PRORP: variants seen among roughly 807,000 people sequenced by gnomAD.
PRORP encodes the protein protein only RNase P catalytic subunit, also known as mitochondrial ribonuclease P catalytic subunit.
PRORP carries 51 observed loss-of-function variants against 59.4 expected under a neutral mutation model. The ratio of observed to expected loss-of-function variants is 0.86; its 90% CI spans 0.69 to 1.08. The LOEUF (loss-of-function observed/expected upper bound fraction) is 1.08, where lower values mean the gene tolerates loss of function less well. PRORP is among the 50% of genes least tolerant of loss of function. PRORP has a pLI of 0.00. For missense variants in PRORP, 646 were observed against 690.3 expected (o/e 0.94, Z 0.72); for synonymous variants, 231 against 245.6 (o/e 0.94, Z 0.55).
chr14:35,130,039 T>TG (rs1555319231), intron 4 of PRORP, among the ~76,000 whole-genome samples: 8 of 149,464 alleles, frequency 5.4e-5, no homozygotes, highest in African/African-American at 1.5e-4. Flanking sequence ...TCTTTTTTTT[T>TG]TTTTTTTTTG....
At chr14:35,267,253 C>T (rs2051064888) in intron 6 of PRORP, among the ~76,000 whole-genome samples, 1 of 152,088 alleles carries the variant, frequency 6.6e-6, no homozygotes, top group South Asian at 2.1e-4. Flanking sequence ...AGACAAAGTC[C>T]CTGCCCTCTT....
intron 4 of PRORP, among the ~76,000 whole-genome samples, chr14:35,152,129 T>C (rs1024106337): frequency 4.6e-5 from 7 of 152,202 alleles, no homozygotes; most frequent in African/African-American, 9.6e-5. Context: ...GGAGTGGTGA[T>C]GACTCTCAAC....
chr14:35,235,129 ATTATT>A, intron 5 of PRORP: 2 of 501,246 alleles, frequency 4.0e-6, no homozygotes, highest in Non-Finnish European at 7.5e-6. Context: ...GAAAATTTGT[ATTATT>A]TTAATTATTT....
chr14:35,123,742 CA>C lies in PRORP; in HGVS notation c.498del (p.Ala167ProfsTer7). The C allele has an allele frequency of 6.2e-7, 1 of 1,614,212 alleles. No homozygotes were observed. ...GCTAAATCTCTGCTGGCATGGGTAG[CA>C]GCCAAAAATAATGGTATTGTAAGTT... Reference protein sequence around the residue: ...DVAKSLLAWVAAKNNGIVSYD... With the variant: ...DVAKSLLAWVXAKNNGIVSYD... On this transcript the variant is annotated frameshift_variant, in exon 2 of 8. Transcript: ENST00000534898. LOFTEE classifies it high-confidence loss of function.
chr14:35,250,226 G>C (rs753123056), intron 5 of PRORP, among the ~76,000 whole-genome samples: 2 of 150,776 alleles, frequency 1.3e-5, no homozygotes, highest in African/African-American at 2.4e-5. Context: ...AGCGAGACTC[G>C]GTCTCAAAAA....
chr14:35,276,965 C>G lies in PRORP; in HGVS notation c.*3399C>G, dbSNP rs933020937. On this transcript the variant is annotated 3_prime_UTR_variant, in exon 8 of 8. Transcript: ENST00000534898. The stretch of plus-strand genomic sequence containing the variant: ...TTCATAGGAAATTAATTTTTCTTCT[C>G]AAGTATGCACTTAAATATAATTACT... 2 of 152,084 alleles carry G rather than the reference C, an allele frequency of 1.3e-5. No individual in the cohort carries two copies. The highest frequency in any genetic ancestry group is 4.8e-5 in the African/African-American group (2 of 41,426). The allele number at this position is 152,084 out of a possible 1,614,324, so 9.4% of individuals were successfully genotyped here.
chr14:35,187,432 T>TTC, intron 5 of PRORP, among the ~76,000 whole-genome samples: 1 of 150,826 alleles, frequency 6.6e-6, no homozygotes, highest in African/African-American at 2.4e-5. Flanking sequence ...TTCTTTGTTT[T>TTC]TTTTTTTTTT....
At chr14:35,228,466 C>T (rs895637041) in intron 5 of PRORP, among the ~76,000 whole-genome samples, 1 of 152,198 alleles carries the variant, frequency 6.6e-6, no homozygotes, top group African/African-American at 2.4e-5. Context: ...CCCTCCATCT[C>T]CCCGCTAGTA....
intron 4 of PRORP, among the ~76,000 whole-genome samples, chr14:35,146,372 A>C (rs1052407696): frequency 6.6e-6 from 1 of 152,214 alleles, no homozygotes; most frequent in South Asian, 2.1e-4. Context: ...TCTAAATACA[A>C]ATTTAAGACA....
At chr14:35,223,273 G>A (rs1274519257) in intron 5 of PRORP, among the ~76,000 whole-genome samples, 1 of 151,166 alleles carries the variant, frequency 6.6e-6, no homozygotes, top group African/African-American at 2.4e-5. Context: ...TGCTGGGAGA[G>A]GTGACGTTTC....
At chr14:35,223,076 A>T (rs2049831424) in intron 5 of PRORP, among the ~76,000 whole-genome samples, 1 of 152,154 alleles carries the variant, frequency 6.6e-6, no homozygotes, top group Admixed American at 6.5e-5. Context: ...TAACTAGCAT[A>T]CTGTCTTCTT....
At chr14:35,232,482 T>G (rs1037697435) in intron 5 of PRORP, among the ~76,000 whole-genome samples, 3 of 152,200 alleles carry the variant, frequency 2.0e-5, no homozygotes, top group Non-Finnish European at 2.9e-5. Flanking sequence ...TAGAAGTTTT[T>G]GATAGAAAAA....
At position 35,124,235 on chromosome 14, in the gene PRORP, AT is replaced by A; in HGVS notation, c.986+8del. 2 of 1,515,054 alleles carry A rather than the reference AT, an allele frequency of 1.3e-6. No individual in the cohort carries two copies. Among genetic ancestry groups the A allele is most frequent in the Non-Finnish European group, 1.8e-6 (2 of 1,135,650 alleles). 93.9% of individuals were successfully genotyped at this position (1,515,054 alleles called of 1,614,324 possible). A position where few individuals can be genotyped will look rare whatever the true frequency, so the allele number is the denominator to read the frequency against. ...GTATAAAAACATGGTTTGAGAGGTA[AT>A]TTTGGTTTTTTTATATGTATGTTTT... On this transcript the variant is annotated splice_donor_5th_base_variant and intron_variant, in intron 2 of 7. Coordinates refer to ENST00000534898, the MANE Select transcript of PRORP (RefSeq NM_014672.4).
intron 5 of PRORP, among the ~76,000 whole-genome samples, chr14:35,198,909 G>C (rs561909720): frequency 6.6e-6 from 1 of 152,234 alleles, no homozygotes; most frequent in Non-Finnish European, 1.5e-5. Flanking sequence ...GCTTACGCCT[G>C]TAATCCCAGC....
At chr14:35,262,363 G>C in intron 5 of PRORP, 1 of 307,838 alleles carries the variant, frequency 3.2e-6, no homozygotes, top group Non-Finnish European at 6.3e-6. Flanking sequence ...TAGTGTAGAT[G>C]TTTGCCTTTT....
In PRORP at chr14:35,124,037, G is replaced by A. The variant is rs748261609; in HGVS notation, c.792G>A (p.Trp264Ter). The A allele has an allele frequency of 2.5e-6, 4 of 1,613,808 alleles. No homozygotes were observed. In the Admixed American group the frequency reaches 5.0e-5, roughly 20 times the overall value. ...TTCATCAAGATGTAAACACAGCTTG[G>A]AATTTATATCAGGAATTGCTAGGTC... ...ALLHQDVNTA[W>*]NLYQELLGHD... The change falls in exon 2 of 8, where the codon TGG becomes TGA. Residue 264 changes from tryptophan to a stop codon, truncating the protein, a stop_gained. Transcript: ENST00000534898. LOFTEE classifies it high-confidence loss of function.
At chr14:35,209,515 AT>A (rs1566498663) in intron 5 of PRORP, among the ~76,000 whole-genome samples, 1 of 151,602 alleles carries the variant, frequency 6.6e-6, no homozygotes. Context: ...AGTTCTTAGG[AT>A]TTTTTTTCCT....
At chr14:35,244,643 C>T (rs1298314302) in intron 5 of PRORP, among the ~76,000 whole-genome samples, 3 of 152,024 alleles carry the variant, frequency 2.0e-5, no homozygotes, top group Non-Finnish European at 2.9e-5. Context: ...TGTGTGCGCG[C>T]ATAAAATATA....
intron 5 of PRORP, among the ~76,000 whole-genome samples, chr14:35,191,372 T>G (rs1289386026): frequency 6.6e-6 from 1 of 152,198 alleles, no homozygotes; most frequent in Non-Finnish European, 1.5e-5. Flanking sequence ...CCATTAAACC[T>G]CTTTTTCATT....
Sources: gnomAD v4.1 joint callset for allele counts (sites outside exome capture counted in the v4.1 genomes callset) on GRCh38, gnomAD v4.1.1 for gene constraint, MANE v1.5 for transcripts, NCBI Gene and HGNC (gene_info 2026-07-23, HGNC 2026-07-21) for gene names.